ATG13: variants seen among roughly 807,000 people sequenced by gnomAD.
The protein encoded by ATG13 is autophagy-related protein 13.
In ATG13, 23 loss-of-function variants were observed where a neutral mutation model predicts 65.5. The ratio of observed to expected loss-of-function variants is 0.35; its 90% CI spans 0.25 to 0.50. ATG13 has a LOEUF of 0.50. ATG13 is among the 20% of genes least tolerant of loss of function. The pLI, the probability that ATG13 is intolerant of heterozygous loss-of-function variation, is 0.98. For missense variants in ATG13, 566 were observed against 677.0 expected, an observed-to-expected ratio of 0.84 and a Z score of 1.82; for synonymous variants, 252 against 245.2, an observed-to-expected ratio of 1.03 and a Z score of -0.26.
chr11:46,656,252 C>T lies in ATG13; in HGVS notation c.478C>T (p.Gln160Ter). Residue 160 changes from glutamine (Q) to a stop codon, truncating the protein, a stop_gained, in exon 8 of 19, where the codon CAG becomes TAG. Coordinates refer to ENST00000683050, the MANE Select transcript of ATG13 (RefSeq NM_001346311.2). LOFTEE classifies it high-confidence loss of function. ...ILYRIYFGEVQLSGLGEGFQT... is the reference protein window; with the variant it reads ...ILYRIYFGEV ...ATACAGGATATATTTTGGAGAAGTT[C>T]AGCTGAGTGGCTTAGGAGAAGGTAT... The T allele has an allele frequency of 6.2e-7, 1 of 1,613,050 alleles. No homozygotes were observed. The highest frequency in any genetic ancestry group is 8.5e-7 in the Non-Finnish European group (1 of 1,179,112).
At position 46,664,773 on chromosome 11, in the gene ATG13, C is replaced by T. The variant is rs977232311; in HGVS notation, c.889-76C>T. 4 of 1,354,456 alleles carry T rather than the reference C, an allele frequency of 3.0e-6. No individual in the cohort carries two copies. In the African/African-American group the frequency reaches 5.7e-5, roughly 19 times the overall value. The allele number at this position is 1,354,456 out of a possible 1,614,324, so 83.9% of individuals were successfully genotyped here. On this transcript the variant is annotated intron_variant, in intron 12 of 18. Transcript: ENST00000683050. ...ATTCCTTATCTCTCTACTGAGCCAT[C>T]TTGTTTGTCACGCTCTGGGATTGCC...
chr11:46,639,792 G>C (rs1310368056), intron 2 of ATG13, among the ~76,000 whole-genome samples: 1 of 151,870 alleles, frequency 6.6e-6, no homozygotes, highest in Non-Finnish European at 1.5e-5. Flanking sequence ...TTTCTCTGTG[G>C]GGGGGCCTTT....
chr11:46,620,739 C>T (rs868456871), intron 1 of ATG13, among the ~76,000 whole-genome samples: 1 of 151,916 alleles, frequency 6.6e-6, no homozygotes, highest in African/African-American at 2.4e-5. Context: ...CATGCCATTG[C>T]ATTCCAGCCT....
At chr11:46,648,562 AG>A (rs2058215701) in intron 5 of ATG13, among the ~76,000 whole-genome samples, 1 of 152,058 alleles carries the variant, frequency 6.6e-6, no homozygotes, top group South Asian at 2.1e-4. Context: ...GCAGATCACC[AG>A]GTCAGGAGAT....
intron 6 of ATG13, among the ~76,000 whole-genome samples, chr11:46,649,750 A>G (rs2058517042): frequency 6.6e-6 from 1 of 152,236 alleles, no homozygotes; most frequent in African/African-American, 2.4e-5. Flanking sequence ...TGTGGTGGAC[A>G]TTAATTTTCT....
intron 1 of ATG13, among the ~76,000 whole-genome samples, chr11:46,624,732 C>G (rs960232973): frequency 3.3e-5 from 5 of 152,084 alleles, no homozygotes; most frequent in East Asian, 1.9e-4. Context: ...TTGAAAAAAT[C>G]AGCTCATTAG....
intron 1 of ATG13, among the ~76,000 whole-genome samples, chr11:46,622,076 CAT>C (rs58391951): frequency 0.015 from 1,068 of 71,360 alleles, 12 homozygotes; most frequent in Middle Eastern, 0.039. Flanking sequence ...TATTTATTTA[CAT>C]ATATATATAT....
Position 46,672,382 on chromosome 11 carries a change from AAGC to A in ATG13, c.*54_*56del. 1 of 1,613,532 alleles carries A rather than the reference AAGC, an allele frequency of 6.2e-7. No individual in the cohort carries two copies. Among genetic ancestry groups the A allele is most frequent in the Non-Finnish European group, 8.5e-7 (1 of 1,179,586 alleles). Reference sequence around the variant, plus strand: ...CCCCCTTTTTGTGGCCCCAGGGCATAAGCAGCCTCCCATGCATCAGCTGCTCCC... The same window carrying A: ...CCCCCTTTTTGTGGCCCCAGGGCATAAGCCTCCCATGCATCAGCTGCTCCC... On this transcript the variant is annotated 3_prime_UTR_variant, in exon 19 of 19. Coordinates refer to ENST00000683050, the MANE Select transcript of ATG13 (RefSeq NM_001346311.2).
In ATG13 at chr11:46,632,072, T is replaced by C. The variant is rs558291930; in HGVS notation, c.-14+1972T>C. Among the ~76,000 whole-genome samples the C allele has an allele frequency of 2.6e-5, 4 of 152,354 alleles. No individual in the cohort carries two copies. The East Asian group carries it at 7.7e-4, about 29-fold the overall frequency. On this transcript the variant is annotated intron_variant, in intron 2 of 18. Coordinates refer to ENST00000683050, the MANE Select transcript of ATG13 (RefSeq NM_001346311.2). The stretch of plus-strand genomic sequence containing the variant: ...AACTGTCTTATCATGAAGAAAGGTC[T>C]TAATTAAATGAGATTACTTCTAAGA...
At chr11:46,668,416 C>A in intron 15 of ATG13, 83 bp from the exon 16 acceptor site, 1 of 1,408,560 alleles carries the variant, frequency 7.1e-7, no homozygotes, top group Non-Finnish European at 1.0e-6. Context: ...CTTGCTGGAC[C>A]TCTAGGCTTC....
In ATG13 at chr11:46,645,770, A is replaced by G. The variant is rs1017094810; in HGVS notation, c.151-100A>G. ...GAGAAGTGAATGAATTGTCTTCCTT[A>G]ATCAGCCACAGCAATACTTGCATTA... On this transcript the variant is annotated intron_variant, in intron 4 of 18. Coordinates refer to ENST00000683050, the MANE Select transcript of ATG13 (RefSeq NM_001346311.2). 4.4e-5 allele frequency: 65 copies of G among 1,489,578 alleles called. 1 individual carries two copies. Among genetic ancestry groups the G allele is most frequent in the South Asian group, 3.2e-4 (26 of 80,532 alleles). The allele number at this position is 1,489,578 out of a possible 1,614,324, so 92.3% of individuals were successfully genotyped here. A position where few individuals can be genotyped will look rare whatever the true frequency, so the allele number is the denominator to read the frequency against.
In ATG13 at chr11:46,668,785, A is replaced by G. The variant is rs1243456219; in HGVS notation, c.1330-9A>G. The G allele has an allele frequency of 2.5e-6, 4 of 1,604,814 alleles. No homozygotes were observed. Among genetic ancestry groups the G allele is most frequent in the Non-Finnish European group, 3.4e-6 (4 of 1,172,632 alleles). On this transcript the variant is annotated splice_polypyrimidine_tract_variant and intron_variant, in intron 16 of 18. Coordinates refer to ENST00000683050, the MANE Select transcript of ATG13 (RefSeq NM_001346311.2). ...GCATCAGCCCTAATCCTGCCTTGCT[A>G]TGAAACAGGTGAATCCTCCAGATTC...
intron 11 of ATG13, among the ~76,000 whole-genome samples, chr11:46,662,150 CA>C: frequency 6.6e-6 from 1 of 152,288 alleles, no homozygotes; most frequent in South Asian, 2.1e-4. Context: ...TCCTAGTGCA[CA>C]TTAATAGAAG....
chr11:46,665,797 C>CTTTTTTTTT (rs1159523560), intron 14 of ATG13, among the ~76,000 whole-genome samples: 19 of 87,764 alleles, frequency 2.2e-4, no homozygotes, highest in South Asian at 4.2e-4. Context: ...TTTATTTTTC[C>CTTTTTTTTT]TTTTTTTTTT....
intron 1 of ATG13, among the ~76,000 whole-genome samples, chr11:46,628,532 T>C (rs1360676587): frequency 1.3e-5 from 2 of 152,206 alleles, no homozygotes; most frequent in Non-Finnish European, 2.9e-5. Context: ...ACTGCTTATA[T>C]ATTTTATGTA....
chr11:46,622,076 C>CATATATAT (rs58391951), intron 1 of ATG13, among the ~76,000 whole-genome samples: 69 of 71,818 alleles, frequency 9.6e-4, no homozygotes, highest in South Asian at 2.6e-3. Context: ...TATTTATTTA[C>CATATATAT]ATATATATAT....
intron 10 of ATG13, among the ~76,000 whole-genome samples, chr11:46,658,039 A>G (rs1372907362): frequency 6.6e-6 from 1 of 151,902 alleles, no homozygotes; most frequent in Non-Finnish European, 1.5e-5. Context: ...ACTGCATTCC[A>G]GCCTGGGCTA....
At chr11:46,670,817 CAAAT>C (rs749170858) in intron 18 of ATG13, among the ~76,000 whole-genome samples, 5 of 152,108 alleles carry the variant, frequency 3.3e-5, no homozygotes, top group Admixed American at 6.6e-5. Flanking sequence ...GTCTCAAAAA[CAAAT>C]AAATAAATAA....
chr11:46,657,347 A>G (rs2060244774), intron 9 of ATG13, 156 bp downstream of exon 9: 1 of 907,562 alleles, frequency 1.1e-6, no homozygotes. Context: ...GGAGAATTTG[A>G]GTGTCCCAGA....
Sources: allele counts gnomAD v4.1 joint callset (sites outside exome capture counted in the v4.1 genomes callset), GRCh38; gene constraint gnomAD v4.1.1; transcripts MANE v1.5; gene names NCBI Gene and HGNC (gene_info 2026-07-23, HGNC 2026-07-21).